Variants in ANKDD1A observed in about 807,000 individuals in gnomAD.
ANKDD1A encodes ankyrin repeat and death domain-containing protein 1A.
A neutral mutation model predicts 63.5 loss-of-function variants in ANKDD1A; 59 were observed. The ratio of observed to expected loss-of-function variants is 0.93; its 90% CI spans 0.75 to 1.15. The LOEUF is 1.15. Among genes scored for constraint, ANKDD1A ranks in the 50% most tolerant of loss-of-function variants. The probability of loss-of-function intolerance (pLI) is 0.00; values close to 1 mark genes in which losing one functional copy is unlikely to be tolerated. For missense variants in ANKDD1A, 632 were observed against 656.4 expected, an observed-to-expected ratio of 0.96 and a Z score of 0.41; for synonymous variants, 266 against 263.9, an observed-to-expected ratio of 1.01 and a Z score of -0.08.
rs2140379711 is a variant in ANKDD1A at position 64,943,498 on chromosome 15, C to T, written c.981C>T (p.Pro327=). The T allele has an allele frequency of 6.2e-7, 1 of 1,614,160 alleles. No individual in the cohort carries two copies. The highest frequency in any genetic ancestry group is 1.6e-4 in the Middle Eastern group (1 of 6,062). The change falls in exon 11 of 15, where the codon CCC becomes CCT. Residue 327 remains proline, a synonymous_variant. Coordinates refer to ENST00000319580, the MANE Select transcript of ANKDD1A (RefSeq NM_182703.6). The part of the protein sequence containing the change: ...VNAVDNRQQT[P]LHLAAEHAWQ... ...TTCTCCCCTAGAGGCAGCAGACGCC[C>T]CTTCACCTGGCTGCAGAGCACGCCT...
chr15:64,951,860 CCTCT>C (rs2085289621), intron 14 of ANKDD1A, among the ~76,000 whole-genome samples: 4 of 27,040 alleles, frequency 1.5e-4, no homozygotes, highest in Admixed American at 1.3e-3. Flanking sequence ...CTTTCTTCTT[CCTCT>C]TCTTTTTCTT....
chr15:64,951,535 C>CTT (rs1491529399), intron 14 of ANKDD1A: 1 of 6,786 alleles, frequency 1.5e-4, no homozygotes, highest in Non-Finnish European at 9.8e-4. Flanking sequence ...TCTTCCTCTT[C>CTT]CCTCTTCTTT....
At chr15:64,930,672 G>A in intron 6 of ANKDD1A, 150 bp from the exon 7 acceptor site, 1 of 649,712 alleles carries the variant, frequency 1.5e-6, no homozygotes, top group South Asian at 2.0e-5. Context: ...CCAGGGCTTG[G>A]CCCTTGAATC....
chr15:64,951,809 TTC>T (rs1399642225), intron 14 of ANKDD1A, among the ~76,000 whole-genome samples: 11 of 145,620 alleles, frequency 7.6e-5, no homozygotes, highest in East Asian at 3.9e-4. Context: ...TCCTCTTTTC[TTC>T]TTTCTTCCTC....
At chr15:64,925,150 C>T (rs750352027) in intron 4 of ANKDD1A, among the ~76,000 whole-genome samples, 1 of 150,444 alleles carries the variant, frequency 6.6e-6, no homozygotes, top group Non-Finnish European at 1.5e-5. Flanking sequence ...ATTGCTTGAA[C>T]CCAGGAGGTG....
chr15:64,935,464 A>G (rs2085123030), intron 9 of ANKDD1A, among the ~76,000 whole-genome samples: 2 of 152,060 alleles, frequency 1.3e-5, no homozygotes, highest in African/African-American at 4.8e-5. Context: ...TCACGAGGTC[A>G]GGAGATCGAG....
intron 14 of ANKDD1A, among the ~76,000 whole-genome samples, chr15:64,954,309 CTCTTCCTTCTTAGTTCT>C (rs2085380155): frequency 7.5e-5 from 3 of 39,946 alleles, no homozygotes; most frequent in Admixed American, 3.0e-4. Flanking sequence ...TCTTCTCCTT[CTCTTCCTTCTTAGTTCT>C]TCCTTCTTCT....
At chr15:64,954,880 T>TCTTCTC (rs1320397675) in intron 14 of ANKDD1A, among the ~76,000 whole-genome samples, 1 of 139,828 alleles carries the variant, frequency 7.2e-6, no homozygotes, top group African/African-American at 2.6e-5. Context: ...TCTTCTTCCT[T>TCTTCTC]CTCCTCCTCC....
intron 14 of ANKDD1A, among the ~76,000 whole-genome samples, chr15:64,954,206 TCTTTTCTTCTTC>T (rs2085377075): frequency 9.5e-4 from 4 of 4,232 alleles, no homozygotes; most frequent in Admixed American, 5.5e-3. Context: ...TGTTCCTTAT[TCTTTTCTTCTTC>T]TTCTTCTTCC....
At chr15:64,920,614 C>T (rs983489142) in intron 3 of ANKDD1A, among the ~76,000 whole-genome samples, 10 of 151,930 alleles carry the variant, frequency 6.6e-5, no homozygotes, top group African/African-American at 2.2e-4. Flanking sequence ...TGCAGTGGTG[C>T]AATTTTGGCT....
chr15:64,930,739 T>G, intron 6 of ANKDD1A, 83 bp from the exon 7 acceptor site: 1 of 1,375,932 alleles, frequency 7.3e-7, no homozygotes. Context: ...ACTGACCCAG[T>G]GTGCATGGCT....
chr15:64,924,670 A>T (rs2085032904), intron 4 of ANKDD1A, among the ~76,000 whole-genome samples: 1 of 152,182 alleles, frequency 6.6e-6, no homozygotes, highest in African/African-American at 2.4e-5. Flanking sequence ...TTTTTCCATT[A>T]ATATTCTATA....
At chr15:64,949,761 G>T (rs2085254577) in intron 13 of ANKDD1A, 80 bp from the exon 14 acceptor site, 1 of 1,563,798 alleles carries the variant, frequency 6.4e-7, no homozygotes. Flanking sequence ...AGGCGGTGCA[G>T]GGTGGCATAG....
chr15:64,931,898 T>G, intron 8 of ANKDD1A: 1 of 505,542 alleles, frequency 2.0e-6, no homozygotes, highest in South Asian at 3.5e-5. Context: ...AGTGTTTTTT[T>G]GTTTTAATTT....
At chr15:64,929,027 T>G (rs1035528978) in intron 6 of ANKDD1A, among the ~76,000 whole-genome samples, 1 of 152,250 alleles carries the variant, frequency 6.6e-6, no homozygotes, top group South Asian at 2.1e-4. Context: ...ACACAGAGAT[T>G]TCACGCTGTG....
intron 1 of ANKDD1A, 31 bp downstream of exon 1, chr15:64,911,995 G>GCCCCC: frequency 3.3e-6 from 1 of 300,894 alleles, no homozygotes; most frequent in Non-Finnish European, 5.8e-6. Context: ...GAGGGGGGCG[G>GCCCCC]GCCGAGGCCG....
intron 14 of ANKDD1A, among the ~76,000 whole-genome samples, chr15:64,953,934 T>TTTTC (rs199594032): frequency 0.95 from 120,986 of 126,712 alleles, 57,854 homozygotes; most frequent in East Asian, 1. Flanking sequence ...TTCTTTTTTC[T>TTTTC]TTTCTTCCTC....
chr15:64,915,030 C>T (rs1222316154), intron 1 of ANKDD1A, among the ~76,000 whole-genome samples: 1 of 152,106 alleles, frequency 6.6e-6, no homozygotes, highest in Admixed American at 6.5e-5. Context: ...AGAGGCTGGG[C>T]GCTGTGGCTC....
chr15:64,934,090 T>A, intron 8 of ANKDD1A, 46 bp from the exon 9 acceptor site: 1 of 1,517,906 alleles, frequency 6.6e-7, no homozygotes, highest in Non-Finnish European at 9.1e-7. Flanking sequence ...CAAACCTCAG[T>A]AGGAGGGGTC....
Sources: allele counts gnomAD v4.1 joint callset (sites outside exome capture counted in the v4.1 genomes callset), GRCh38; gene constraint gnomAD v4.1.1; transcripts MANE v1.5; gene names NCBI Gene and HGNC (gene_info 2026-07-23, HGNC 2026-07-21).